Variants in PLEKHG1 observed in about 807,000 individuals in gnomAD.
The protein encoded by PLEKHG1 is pleckstrin homology domain-containing family G member 1.
A neutral mutation model predicts 100.8 loss-of-function variants in PLEKHG1; 44 were observed. The ratio of observed to expected loss-of-function variants is 0.44; its 90% CI spans 0.34 to 0.56. The LOEUF (loss-of-function observed/expected upper bound fraction) is 0.56. Among genes scored for constraint, PLEKHG1 ranks in the 20% least tolerant of loss-of-function variants. The probability of loss-of-function intolerance (pLI) is 0.01; values close to 1 mark genes in which losing one functional copy is unlikely to be tolerated. For synonymous variants in PLEKHG1, 640 were observed against 662.5 expected (o/e 0.97, Z 0.52); for missense variants, 1,545 against 1,720.9 (o/e 0.90, Z 1.81).
chr6:150,614,421 G>A (rs1030688545), intron 1 of PLEKHG1, among the ~76,000 whole-genome samples: 2 of 152,186 alleles, frequency 1.3e-5, no homozygotes, highest in Non-Finnish European at 2.9e-5. Flanking sequence ...TATAACTACT[G>A]TACAGGATCA....
chr6:150,839,375 G>T (rs553052857), intron 15 of PLEKHG1, among the ~76,000 whole-genome samples: 1 of 152,212 alleles, frequency 6.6e-6, no homozygotes, highest in South Asian at 2.1e-4. Context: ...TTTGGCCTCC[G>T]AAAGTGCTAG....
chr6:150,701,827 T>A (rs1193318962), intron 3 of PLEKHG1, among the ~76,000 whole-genome samples: 1 of 152,142 alleles, frequency 6.6e-6, no homozygotes, highest in Non-Finnish European at 1.5e-5. Context: ...AGCTTGTCTA[T>A]CCATAATAGG....
Position 150,809,085 on chromosome 6 carries a change from T to C in PLEKHG1, c.913-20T>C, listed in dbSNP as rs1332367324. On this transcript the variant is annotated intron_variant, in intron 7 of 15. Coordinates refer to ENST00000358517, the Ensembl canonical transcript of PLEKHG1. ...TGGCTTCTGCCTCCTGTAAATGCCA[T>C]GGCCCATTCCCTTTCTCAGGAGATA... 1.2e-6 allele frequency: 2 copies of C among 1,603,486 alleles called. No homozygotes were observed. The highest frequency in any genetic ancestry group is 3.4e-5 in the Admixed American group (2 of 59,692).
intron 7 of PLEKHG1, among the ~76,000 whole-genome samples, chr6:150,807,133 A>G (rs777592713): frequency 1.3e-5 from 2 of 152,220 alleles, no homozygotes. Context: ...ACATATTGTT[A>G]TAATTCTTCT....
At chr6:150,642,725 A>T (rs576900258) in intron 2 of PLEKHG1, among the ~76,000 whole-genome samples, 2 of 152,350 alleles carry the variant, frequency 1.3e-5, no homozygotes, top group South Asian at 4.1e-4. Flanking sequence ...TGTTGGATGC[A>T]TTCAAGGCAT....
At chr6:150,834,749 G>T (rs1381788675) in intron 15 of PLEKHG1, among the ~76,000 whole-genome samples, 1 of 152,108 alleles carries the variant, frequency 6.6e-6, no homozygotes, top group African/African-American at 2.4e-5. Flanking sequence ...TTCTTGACAT[G>T]GTGGGCTCCT....
Position 150,810,619 on chromosome 6 carries a change from A to G in PLEKHG1, c.1278+885A>G, listed in dbSNP as rs150615773. Reference sequence around the variant, plus strand: ...CATCTCAGCTAAACCAGCCATTAACATCAAAAAGACTCACATGGGGCCAGG... The same window carrying G: ...CATCTCAGCTAAACCAGCCATTAACGTCAAAAAGACTCACATGGGGCCAGG... On this transcript the variant is annotated intron_variant, in intron 10 of 15. Coordinates refer to ENST00000358517, the Ensembl canonical transcript of PLEKHG1. Among the ~76,000 whole-genome samples, 388 of 152,152 alleles carry G rather than the reference A, an allele frequency of 2.6e-3. 3 individuals are homozygous for G. The highest frequency in any genetic ancestry group is 8.7e-3 in the African/African-American group (363 of 41,518).
intron 10 of PLEKHG1, among the ~76,000 whole-genome samples, chr6:150,814,674 C>T (rs1003191608): frequency 1.3e-5 from 2 of 152,212 alleles, no homozygotes; most frequent in African/African-American, 4.8e-5. Context: ...AGCATCCTAA[C>T]CACATTATTC....
At chr6:150,797,964 AC>A (rs754055634) in intron 5 of PLEKHG1, among the ~76,000 whole-genome samples, 19 of 152,006 alleles carry the variant, frequency 1.2e-4, no homozygotes, top group African/African-American at 3.9e-4. Flanking sequence ...CCTAAAAAAA[AC>A]AAAACAAAAT....
chr6:150,693,243 A>G (rs566661041), intron 3 of PLEKHG1, among the ~76,000 whole-genome samples: 1 of 152,210 alleles, frequency 6.6e-6, no homozygotes, highest in African/African-American at 2.4e-5. Context: ...AGCCAAGATC[A>G]CGCCACTGCA....
intron 3 of PLEKHG1, among the ~76,000 whole-genome samples, chr6:150,707,896 C>T (rs1261136848): frequency 6.6e-6 from 1 of 152,130 alleles, no homozygotes. Context: ...ACCTCCCAGG[C>T]AGCACCTCCT....
At chr6:150,633,624 G>C (rs1357473039) in intron 1 of PLEKHG1, among the ~76,000 whole-genome samples, 1 of 152,202 alleles carries the variant, frequency 6.6e-6, no homozygotes, top group Non-Finnish European at 1.5e-5. Flanking sequence ...AGTCATCTCA[G>C]AGGTGGTGCA....
chr6:150,773,703 A>AT (rs200572339), intron 3 of PLEKHG1, among the ~76,000 whole-genome samples: 100 of 150,660 alleles, frequency 6.6e-4, no homozygotes, highest in Non-Finnish European at 1.1e-3. Flanking sequence ...CTGTCAAGGA[A>AT]TTTTTTTTTT....
intron 1 of PLEKHG1, among the ~76,000 whole-genome samples, chr6:150,604,638 A>T (rs931211035): frequency 1.2e-4 from 19 of 152,238 alleles, no homozygotes; most frequent in Non-Finnish European, 2.4e-4. Flanking sequence ...CTCATCATAG[A>T]CGGACTTATA....
At chr6:150,661,520 A>ATT (rs1562418745) in intron 3 of PLEKHG1, among the ~76,000 whole-genome samples, 2 of 152,206 alleles carry the variant, frequency 1.3e-5, no homozygotes, top group African/African-American at 4.8e-5. Flanking sequence ...CACAGAGCCT[A>ATT]TTTAACTCAT....
chr6:150,720,748 C>A (rs1178699492), upstream of PLEKHG1, among the ~76,000 whole-genome samples: 1 of 152,118 alleles, frequency 6.6e-6, no homozygotes, highest in Non-Finnish European at 1.5e-5. Context: ...TTTCAGAGCT[C>A]CAAAGATCTT....
chr6:150,773,814 C>T lies in PLEKHG1; in HGVS notation c.512+5076C>T, dbSNP rs572973872. On this transcript the variant is annotated intron_variant, in intron 3 of 15. Coordinates refer to ENST00000358517, the Ensembl canonical transcript of PLEKHG1. The stretch of plus-strand genomic sequence containing the variant: ...AGAATTGACATCTTTACATTACTGT[C>T]ATCCCATCCATAAACATGTCTTCAA... Among the ~76,000 whole-genome samples the T allele has an allele frequency of 3.8e-3, 572 of 152,270 alleles. 2 individuals carry two copies. Among genetic ancestry groups the T allele is most frequent in the African/African-American group, 0.013 (545 of 41,552 alleles).
chr6:150,803,574 T>C (rs1786834985), intron 6 of PLEKHG1, among the ~76,000 whole-genome samples: 1 of 152,024 alleles, frequency 6.6e-6, no homozygotes, highest in African/African-American at 2.4e-5. Flanking sequence ...TTCCTGGGAG[T>C]GTGGGCCTCC....
intron 10 of PLEKHG1, among the ~76,000 whole-genome samples, chr6:150,815,125 ATTAT>A (rs1787788945): frequency 6.6e-6 from 1 of 152,192 alleles, no homozygotes; most frequent in African/African-American, 2.4e-5. Context: ...TTTCCTCGAG[ATTAT>A]TTCTTATTTT....
Sources: allele counts gnomAD v4.1 joint callset (sites outside exome capture counted in the v4.1 genomes callset), GRCh38; gene constraint gnomAD v4.1.1; transcripts MANE v1.5; gene names NCBI Gene and HGNC (gene_info 2026-07-23, HGNC 2026-07-21).